Variants in CENPI observed in about 807,000 individuals in gnomAD.
CENPI encodes centromere protein I, also known as FSH primary response 1.
A neutral mutation model predicts 60.4 loss-of-function variants in CENPI; 4 were observed. That is an observed-to-expected ratio of 0.07 (90% CI 0.03 to 0.15). The LOEUF (loss-of-function observed/expected upper bound fraction) is 0.15. Among genes scored for constraint, CENPI ranks in the 10% least tolerant of loss-of-function variants. CENPI has a pLI of 1.00. For missense variants in CENPI, 444 were observed against 534.5 expected (o/e 0.83, Z 1.67); for synonymous variants, 157 against 189.4 (o/e 0.83, Z 1.40).
chrX:101,109,557 G>C lies in CENPI; in HGVS notation c.449G>C (p.Trp150Ser), dbSNP rs763473771. The change falls in exon 5 of 22, where the codon TGG becomes TCG. Residue 150 changes from tryptophan to serine, a missense_variant. Trp to Ser is a radical substitution (Grantham distance 177). Coordinates refer to ENST00000682095, the MANE Select transcript of CENPI (RefSeq NM_001386188.2). ...GATTCTGTGGTTAAGGCAGTCTCCT[G>C]GCTTTGTGTTGGCAAGTGTTCTGGT... ...SEDSVVKAVS[W>S]LCVGKCSGST... 3.1e-5 allele frequency: 38 copies of C among 1,206,418 alleles called. No individual in the cohort carries two copies. The highest frequency in any genetic ancestry group is 2.5e-4 in the South Asian group (14 of 56,759).
Position 101,165,221 on chromosome X carries a change from A to G in CENPI, c.*2254A>G, listed in dbSNP as rs1421418928. ...GAAGAGGAGTGACATAATTTGATTTACCTTTATGAAATATGGAGCTACAAT... is the reference window on the plus strand; with the variant it reads ...GAAGAGGAGTGACATAATTTGATTTGCCTTTATGAAATATGGAGCTACAAT... On this transcript the variant is annotated 3_prime_UTR_variant, in exon 22 of 22. Transcript: ENST00000682095. 2.7e-5 allele frequency among the ~76,000 whole-genome samples: 3 copies of G among 111,786 alleles called. No individual in the cohort carries two copies. The highest frequency in any genetic ancestry group is 5.6e-5 in the Non-Finnish European group (3 of 53,201).
Position 101,132,444 on chromosome X carries a change from C to T in CENPI, c.1458C>T (p.Thr486=), listed in dbSNP as rs1205215336. The stretch of plus-strand genomic sequence containing the variant: ...TAGCGCAGCTCTTCTTTACATCAAC[C>T]ATTTATTTCAAGGTAACAAAAACTT... ...DHLAQLFFTS[T]IYFKCSVLQS... is the part of the protein sequence containing the mutation. Residue 486 remains threonine (T), a synonymous_variant, in exon 15 of 22, where the codon ACC becomes ACT. Coordinates refer to ENST00000682095, the MANE Select transcript of CENPI (RefSeq NM_001386188.2). 1 of 1,207,295 alleles carries T rather than the reference C, an allele frequency of 8.3e-7. No homozygotes were observed. Among genetic ancestry groups the T allele is most frequent in the Non-Finnish European group, 1.1e-6 (1 of 892,135 alleles).
intron 20 of CENPI, among the ~76,000 whole-genome samples, chrX:101,155,236 C>A (rs1284749754): frequency 1.8e-5 from 2 of 111,442 alleles, no homozygotes; most frequent in African/African-American, 6.5e-5. Flanking sequence ...CTTGCCCAGG[C>A]TGGAGTGCAG....
At chrX:101,149,722 G>A (rs1018999882) in intron 20 of CENPI, among the ~76,000 whole-genome samples, 6 of 110,411 alleles carry the variant, frequency 5.4e-5, no homozygotes, top group African/African-American at 1.6e-4. Context: ...GGCCAGGGTG[G>A]TCTTGAACTC....
chrX:101,101,883 C>G (rs2089421024), intron 3 of CENPI, among the ~76,000 whole-genome samples: 1 of 112,579 alleles, frequency 8.9e-6, no homozygotes, highest in Non-Finnish European at 1.9e-5. Flanking sequence ...TACATAAACT[C>G]CTTTATTTAT....
chrX:101,152,921 C>A (rs2090020900), intron 20 of CENPI, among the ~76,000 whole-genome samples: 1 of 108,308 alleles, frequency 9.2e-6, no homozygotes, highest in African/African-American at 3.4e-5. Context: ...TTTCATTTCT[C>A]TTGGGTATAT....
chrX:101,107,652 C>T (rs1039010206), intron 4 of CENPI, among the ~76,000 whole-genome samples: 2 of 107,899 alleles, frequency 1.9e-5, no homozygotes, highest in Non-Finnish European at 3.8e-5. Flanking sequence ...CCACCGTGCC[C>T]TCATAAAATT....
At chrX:101,127,467 A>C in intron 10 of CENPI, 31 bp from the exon 11 acceptor site, 1 of 1,117,908 alleles carries the variant, frequency 8.9e-7, no homozygotes, top group Non-Finnish European at 1.2e-6. Context: ...TGTTTAGTCC[A>C]TTGATAGATT....
At chrX:101,109,381 T>C in intron 4 of CENPI, 92 bp from the exon 5 acceptor site, 10 of 727,580 alleles carry the variant, frequency 1.4e-5, no homozygotes, top group South Asian at 7.2e-5. Context: ...GCGCCCAGCC[T>C]AATGTGAGAT....
At chrX:101,150,781 C>T (rs1176612659) in intron 20 of CENPI, among the ~76,000 whole-genome samples, 1 of 110,659 alleles carries the variant, frequency 9.0e-6, no homozygotes, top group African/African-American at 3.3e-5. Context: ...CATCTTCTGC[C>T]TTGAGATAAC....
At chrX:101,166,344 T>C (rs1394954719), downstream of CENPI, among the ~76,000 whole-genome samples, 7 of 111,580 alleles carry the variant, frequency 6.3e-5, no homozygotes, top group African/African-American at 2.3e-4. Flanking sequence ...TTGGTAGAGA[T>C]GGGGTTTCAT....
chrX:101,160,798 A>G (rs2090101814), intron 20 of CENPI, among the ~76,000 whole-genome samples: 1 of 111,901 alleles, frequency 8.9e-6, no homozygotes, highest in Non-Finnish European at 1.9e-5. Flanking sequence ...TATGCTAATT[A>G]CCATGATTTG....
At chrX:101,157,772 C>A (rs12556405) in intron 20 of CENPI, among the ~76,000 whole-genome samples, 1 of 108,711 alleles carries the variant, frequency 9.2e-6, no homozygotes, top group Non-Finnish European at 1.9e-5. Context: ...AATGGGATAT[C>A]TATCAACTCA....
chrX:101,171,812 A>G, the CENPI span, among the ~76,000 whole-genome samples: 2 of 112,105 alleles, frequency 1.8e-5, no homozygotes, highest in Non-Finnish European at 3.8e-5. Context: ...TAGCTATGGC[A>G]GCAAAGGCAT....
At chrX:101,147,399 G>A (rs973109327) in intron 18 of CENPI, among the ~76,000 whole-genome samples, 13 of 106,165 alleles carry the variant, frequency 1.2e-4, no homozygotes, top group African/African-American at 4.1e-4. Flanking sequence ...CCCGACCCCC[G>A]ACAGGCCCCA....
At chrX:101,116,812 A>C (rs1456502927) in intron 6 of CENPI, among the ~76,000 whole-genome samples, 1 of 111,823 alleles carries the variant, frequency 8.9e-6, no homozygotes, top group East Asian at 2.8e-4. Flanking sequence ...AGTCTATAAC[A>C]GGGTTCAAAT....
downstream of CENPI, among the ~76,000 whole-genome samples, chrX:101,168,764 A>G (rs1429501655): frequency 8.9e-6 from 1 of 111,865 alleles, no homozygotes; most frequent in Non-Finnish European, 1.9e-5. Flanking sequence ...TGGACTTCAC[A>G]GGATTAGTCT....
chrX:101,121,697 A>G (rs1186395303), intron 8 of CENPI, among the ~76,000 whole-genome samples: 1 of 110,946 alleles, frequency 9.0e-6, no homozygotes, highest in East Asian at 2.8e-4. Context: ...GAGATGTCAA[A>G]CAGCAAACAT....
At chrX:101,117,251 AGTG>A (rs2089632803) in intron 6 of CENPI, among the ~76,000 whole-genome samples, 1 of 111,491 alleles carries the variant, frequency 9.0e-6, no homozygotes, top group African/African-American at 3.3e-5. Context: ...CCCAGGCTGG[AGTG>A]CGATGGCGCG....
Sources: gnomAD v4.1 joint callset for allele counts (sites outside exome capture counted in the v4.1 genomes callset) on GRCh38, gnomAD v4.1.1 for gene constraint, MANE v1.5 for transcripts, NCBI Gene and HGNC (gene_info 2026-07-23, HGNC 2026-07-21) for gene names.